VWA5B1: variants seen among roughly 807,000 people sequenced by gnomAD.
VWA5B1 encodes von Willebrand factor A domain-containing protein 5B1.
VWA5B1 carries 115 observed loss-of-function variants against 118.2 expected under a neutral mutation model. The observed-to-expected ratio is 0.97, with a 90% CI of 0.84 to 1.14. The LOEUF (loss-of-function observed/expected upper bound fraction) is 1.14. Ranked by LOEUF, VWA5B1 falls within the 50% of genes most tolerant of loss-of-function variation. The probability of loss-of-function intolerance (pLI) is 0.00; values close to 1 mark genes in which losing one functional copy is unlikely to be tolerated. For missense variants in VWA5B1, 1,596 were observed against 1,603.8 expected, an observed-to-expected ratio of 1.00 and a Z score of 0.08; for synonymous variants, 682 against 658.4, an observed-to-expected ratio of 1.04 and a Z score of -0.55.
chr1:20,331,132 C>T (rs2089541697), intron 11 of VWA5B1, 149 bp downstream of exon 11: 1 of 682,204 alleles, frequency 1.5e-6, no homozygotes, highest in South Asian at 2.0e-5. Context: ...GAACCAGAGA[C>T]TTGCAAGCCA....
chr1:20,353,938 G>A lies in VWA5B1; in HGVS notation c.3323G>A (p.Arg1108Lys), dbSNP rs917871814. The change falls in exon 22 of 22, where the codon AGG (arginine) becomes AAG (lysine). Residue 1108 changes from arginine (R) to lysine (K), a missense_variant. By Grantham distance (26) the Arg-to-Lys change is conservative. Transcript: ENST00000289815. ...SPQLCTSSPP[R>K]HPSCDSFSLE... Reference sequence around the variant, plus strand: ...CAGCTGTGCACCAGCTCCCCGCCTAGGCACCCGTCCTGTGACAGCTTCTCC... The same window carrying A: ...CAGCTGTGCACCAGCTCCCCGCCTAAGCACCCGTCCTGTGACAGCTTCTCC... 1.9e-6 allele frequency: 3 copies of A among 1,550,636 alleles called. No homozygotes were observed. Among genetic ancestry groups the A allele is most frequent in the Non-Finnish European group, 2.6e-6 (3 of 1,146,282 alleles).
intron 8 of VWA5B1, among the ~76,000 whole-genome samples, chr1:20,326,041 G>A (rs2089369203): frequency 6.6e-6 from 1 of 152,140 alleles, no homozygotes; most frequent in African/African-American, 2.4e-5. Flanking sequence ...AATTCTAATA[G>A]GTGTGAGCAG....
intron 13 of VWA5B1, among the ~76,000 whole-genome samples, chr1:20,336,860 G>T (rs1405424309): frequency 6.6e-6 from 1 of 152,132 alleles, no homozygotes; most frequent in East Asian, 1.9e-4. Flanking sequence ...GATACATCTG[G>T]CACTAACTCT....
chr1:20,341,813 G>T (rs56928665), intron 14 of VWA5B1, among the ~76,000 whole-genome samples: 29,485 of 151,996 alleles, frequency 0.19, 3,505 homozygotes, highest in East Asian at 0.52. Flanking sequence ...AACCAAACGT[G>T]CATGAAAGCT....
chr1:20,316,933 G>T (rs753565077), intron 4 of VWA5B1, among the ~76,000 whole-genome samples: 1 of 151,944 alleles, frequency 6.6e-6, no homozygotes, highest in African/African-American at 2.4e-5. Context: ...CGAGACGGGC[G>T]GATCACGAGG....
intron 17 of VWA5B1, 101 bp downstream of exon 17, chr1:20,345,694 C>A: frequency 2.1e-6 from 3 of 1,419,378 alleles, no homozygotes; most frequent in Non-Finnish European, 2.8e-6. Context: ...CAGCAGGGAG[C>A]GGGGTGAGAC....
At chr1:20,310,776 C>G in intron 2 of VWA5B1, 36 bp downstream of exon 2, 1 of 1,495,744 alleles carries the variant, frequency 6.7e-7, no homozygotes, top group Non-Finnish European at 8.9e-7. Flanking sequence ...CGGGACCACC[C>G]CCTCCTCCAC....
rs762188455 is a variant in VWA5B1 at position 20,310,713 on chromosome 1, G to T, written c.112G>T (p.Gly38Cys). ...GGGCCTAACTGCCTCCCTCACCTAT[G>T]GCAACCTGGAAGCCCAGCCCTTCCA... Reference protein sequence around the residue: ...ALGLTASLTYGNLEAQPFQGL... With the variant: ...ALGLTASLTYCNLEAQPFQGL... The change falls in exon 2 of 22, where the codon GGC (glycine) becomes TGC (cysteine). Residue 38 changes from glycine to cysteine, a missense_variant. Gly to Cys is a radical substitution (Grantham distance 159, BLOSUM62 -3). Coordinates refer to ENST00000289815, the MANE Select transcript of VWA5B1 (RefSeq NM_001039500.3). 2 of 1,550,096 alleles carry T rather than the reference G, an allele frequency of 1.3e-6. No individual in the cohort carries two copies. Among genetic ancestry groups the T allele is most frequent in the East Asian group, 2.5e-5 (1 of 40,742 alleles).
In VWA5B1 at chr1:20,317,529, G is replaced by A. The variant is rs771695786; in HGVS notation, c.564-1G>A. ...CTTTCCTTCCCCCGGCCCTTTTCCA[G>A]CAAAGACAGGCACTGCTTCGGTGCC... is the stretch of plus-strand genomic sequence containing the variant. On this transcript the variant is annotated splice_acceptor_variant, in intron 4 of 21. Transcript: ENST00000289815. LOFTEE classifies it high-confidence loss of function. 6 of 1,551,348 alleles carry A rather than the reference G, an allele frequency of 3.9e-6. No individual in the cohort carries two copies. The South Asian group carries it at 7.1e-5, about 18-fold the overall frequency.
At chr1:20,295,358 T>C (rs1446991802) in intron 1 of VWA5B1, among the ~76,000 whole-genome samples, 2 of 152,132 alleles carry the variant, frequency 1.3e-5, no homozygotes, top group Admixed American at 6.5e-5. Context: ...AAGTCAGGCT[T>C]AGTTAAGACT....
chr1:20,294,133 G>A (rs938858379), intron 1 of VWA5B1: 3 of 152,362 alleles, frequency 2.0e-5, no homozygotes, highest in Non-Finnish European at 2.9e-5. Flanking sequence ...GGGGAGACCA[G>A]TGGTCATCAA....
chr1:20,319,941 G>T (rs12061079), intron 7 of VWA5B1, among the ~76,000 whole-genome samples: 1,976 of 151,184 alleles, frequency 0.013, 39 homozygotes, highest in African/African-American at 0.035. Flanking sequence ...AAGGACAAAG[G>T]CAGAGTGGGG....
chr1:20,351,648 T>A (rs2090132752), intron 20 of VWA5B1, among the ~76,000 whole-genome samples: 1 of 151,592 alleles, frequency 6.6e-6, no homozygotes. Flanking sequence ...CAAGACTCCA[T>A]CTCAAAAAAA....
At chr1:20,313,644 T>C (rs568783461) in intron 3 of VWA5B1, among the ~76,000 whole-genome samples, 5 of 152,360 alleles carry the variant, frequency 3.3e-5, no homozygotes, top group African/African-American at 7.2e-5. Flanking sequence ...TATAATATAA[T>C]GTAAGAGATT....
At position 20,318,742 on chromosome 1, in the gene VWA5B1, C is replaced by T. The variant is rs2089110317; in HGVS notation, c.841+21C>T. On this transcript the variant is annotated intron_variant, in intron 6 of 21. Coordinates refer to ENST00000289815, the MANE Select transcript of VWA5B1 (RefSeq NM_001039500.3). ...CAGCGGTACGGTGCCCCACAACGGG[C>T]CCCTGGGCTGCCTGTGGGAGGGAGG... 3.4e-6 allele frequency: 5 copies of T among 1,459,110 alleles called. No individual in the cohort carries two copies. The South Asian group carries it at 5.8e-5, about 17-fold the overall frequency. 90.4% of individuals were successfully genotyped at this position (1,459,110 alleles called of 1,614,324 possible). A position where few individuals can be genotyped will look rare whatever the true frequency, so the allele number is the denominator to read the frequency against.
chr1:20,323,547 A>G lies in VWA5B1; in HGVS notation c.1143+15A>G, dbSNP rs2089287998. 3 of 1,393,416 alleles carry G rather than the reference A, an allele frequency of 2.2e-6. No homozygotes were observed. Among genetic ancestry groups the G allele is most frequent in the Non-Finnish European group, 1.9e-6 (2 of 1,063,238 alleles). The allele number at this position is 1,393,416 out of a possible 1,614,324, so 86.3% of individuals were successfully genotyped here. On this transcript the variant is annotated intron_variant, in intron 8 of 21. Coordinates refer to ENST00000289815, the MANE Select transcript of VWA5B1 (RefSeq NM_001039500.3). The stretch of plus-strand genomic sequence containing the variant: ...ACCGAGTCAAGGTACCTGCTGAGAG[A>G]ACCCCTCCCGAGGACCCGGGGCTCC...
chr1:20,356,644 C>G lies in VWA5B1; in HGVS notation c.*2381C>G, dbSNP rs921958668. On this transcript the variant is annotated 3_prime_UTR_variant, in exon 22 of 22. Coordinates refer to ENST00000289815, the MANE Select transcript of VWA5B1 (RefSeq NM_001039500.3). ...GGTGGTGGGCATGCCACCCACTTCT[C>G]TAGGAAAGTTCCTCAGACTGCTCCC... Among the ~76,000 whole-genome samples, 2 of 152,212 alleles carry G rather than the reference C, an allele frequency of 1.3e-5. No individual in the cohort carries two copies.
chr1:20,333,829 G>A (rs1028668552), intron 12 of VWA5B1, among the ~76,000 whole-genome samples: 1 of 152,210 alleles, frequency 6.6e-6, no homozygotes, highest in Non-Finnish European at 1.5e-5. Context: ...TCGTGAGTCT[G>A]TCCACTCTCT....
intron 2 of VWA5B1, among the ~76,000 whole-genome samples, chr1:20,311,993 C>T (rs900602939): frequency 1.3e-5 from 2 of 152,168 alleles, no homozygotes; most frequent in African/African-American, 4.8e-5. Context: ...AACAAGTGCC[C>T]CCATTTTACA....
Sources: gnomAD v4.1 joint callset for allele counts (sites outside exome capture counted in the v4.1 genomes callset) on GRCh38, gnomAD v4.1.1 for gene constraint, MANE v1.5 for transcripts, NCBI Gene and HGNC (gene_info 2026-07-23, HGNC 2026-07-21) for gene names.